Variants in PCSK2 observed in about 807,000 individuals in gnomAD.
The protein encoded by PCSK2 is neuroendocrine convertase 2.
PCSK2 carries 14 observed loss-of-function variants against 69.7 expected under a neutral mutation model. The observed-to-expected ratio is 0.20, with a 90% CI of 0.13 to 0.31. The LOEUF (loss-of-function observed/expected upper bound fraction) is 0.31, where lower values mean the gene tolerates loss of function less well. PCSK2 is among the 10% of genes least tolerant of loss of function. PCSK2 has a pLI of 1.00. For missense variants in PCSK2, 544 were observed against 842.5 expected (o/e 0.65, Z 4.39); for synonymous variants, 307 against 320.7 (o/e 0.96, Z 0.46).
chr20:17,256,494 AT>A (rs1489319074), intron 1 of PCSK2, among the ~76,000 whole-genome samples: 5 of 152,072 alleles, frequency 3.3e-5, no homozygotes, highest in African/African-American at 1.2e-4. Flanking sequence ...AAAATTTGAC[AT>A]TTTAAATACT....
At chr20:17,314,836 T>C (rs1330959852) in intron 2 of PCSK2, among the ~76,000 whole-genome samples, 3 of 152,226 alleles carry the variant, frequency 2.0e-5, no homozygotes, top group African/African-American at 7.2e-5. Context: ...GCTTCTTGAA[T>C]GTTTACTAAT....
rs1478688143 is a variant in PCSK2, at chr20:17,481,654, G to C, written c.1501G>C (p.Val501Leu). ...CGCCTGTGAGGGGAAGGAAAATTTT[G>C]TCCGCTACCTGGAGCATGTCCAGGC... is the stretch of plus-strand genomic sequence containing the variant. ...TDACEGKENFVRYLEHVQAVI... is the reference protein window; with the variant it reads ...TDACEGKENFLRYLEHVQAVI... Residue 501 changes from valine to leucine, a missense_variant, in exon 12 of 12, where the codon GTC (valine) becomes CTC (leucine). Around this residue, in one of 3 missense-constraint regions of PCSK2, gnomAD observed 200 missense variants for 287.8 expected, o/e 0.69. Coordinates refer to ENST00000262545, the MANE Select transcript of PCSK2 (RefSeq NM_002594.5). The C allele has an allele frequency of 1.9e-6, 3 of 1,614,012 alleles. No individual in the cohort carries two copies. In the East Asian group the frequency reaches 6.7e-5, roughly 36 times the overall value.
At position 17,265,150 on chromosome 20, in the gene PCSK2, T is replaced by C. The variant is rs79151442; in HGVS notation, c.282+4806T>C. On this transcript the variant is annotated intron_variant, in intron 2 of 11. Transcript: ENST00000262545. The stretch of plus-strand genomic sequence containing the variant: ...AAATGCTGGAAAGTCTACTTTCAAA[T>C]TGAAAATGTCACGGAGAAAAATCTC... Among the ~76,000 whole-genome samples the C allele has an allele frequency of 4.9e-3, 747 of 152,270 alleles. 3 individuals are homozygous for C. Among genetic ancestry groups the C allele is most frequent in the African/African-American group, 0.012 (480 of 41,560 alleles).
chr20:17,386,225 A>T (rs1289166036), intron 5 of PCSK2, among the ~76,000 whole-genome samples: 1 of 152,236 alleles, frequency 6.6e-6, no homozygotes, highest in East Asian at 1.9e-4. Context: ...ATTATAAAGC[A>T]TATCCAAGAA....
chr20:17,381,277 A>G (rs1276601900), intron 5 of PCSK2, among the ~76,000 whole-genome samples: 1 of 152,256 alleles, frequency 6.6e-6, no homozygotes, highest in Non-Finnish European at 1.5e-5. Flanking sequence ...GTTCCTTAAC[A>G]TCACCGGGAG....
chr20:17,316,871 A>T (rs531348383), intron 2 of PCSK2, among the ~76,000 whole-genome samples: 1 of 152,228 alleles, frequency 6.6e-6, no homozygotes, highest in Non-Finnish European at 1.5e-5. Flanking sequence ...TTCCCGTGAC[A>T]TAAGTAATTC....
chr20:17,297,428 C>T (rs568121983), intron 2 of PCSK2, among the ~76,000 whole-genome samples: 2 of 152,288 alleles, frequency 1.3e-5, no homozygotes, highest in African/African-American at 2.4e-5. Flanking sequence ...TATGCATCCT[C>T]GAGCATCATC....
intron 1 of PCSK2, among the ~76,000 whole-genome samples, chr20:17,255,639 C>A (rs561920372): frequency 6.6e-6 from 1 of 152,174 alleles, no homozygotes; most frequent in Non-Finnish European, 1.5e-5. Context: ...CCGCACCCAG[C>A]CTTCATTCCT....
At chr20:17,400,976 A>G (rs1238656135) in intron 5 of PCSK2, among the ~76,000 whole-genome samples, 1 of 152,228 alleles carries the variant, frequency 6.6e-6, no homozygotes, top group East Asian at 1.9e-4. Flanking sequence ...GAATATATTT[A>G]AATATACATC....
chr20:17,324,470 G>A (rs1989979705), intron 2 of PCSK2, among the ~76,000 whole-genome samples: 1 of 152,124 alleles, frequency 6.6e-6, no homozygotes, highest in Non-Finnish European at 1.5e-5. Context: ...TTTATTACAA[G>A]GGCATCTCTC....
At chr20:17,423,260 A>G (rs1262230602) in intron 6 of PCSK2, among the ~76,000 whole-genome samples, 2 of 152,216 alleles carry the variant, frequency 1.3e-5, no homozygotes, top group African/African-American at 4.8e-5. Context: ...AAGGCAGGAC[A>G]TCTTGAAGCA....
At chr20:17,258,704 G>A (rs1987268801) in intron 1 of PCSK2, among the ~76,000 whole-genome samples, 3 of 151,934 alleles carry the variant, frequency 2.0e-5, no homozygotes, top group Admixed American at 2.0e-4. Context: ...GAGGTAGTAA[G>A]TGAAAGTCTG....
chr20:17,384,505 G>GGCAGGAGAATTGCTTGAAC (rs1279775999), intron 5 of PCSK2, among the ~76,000 whole-genome samples: 1 of 152,054 alleles, frequency 6.6e-6, no homozygotes, highest in African/African-American at 2.4e-5. Context: ...GGGAGGCTGA[G>GGCAGGAGAATTGCTTGAAC]GCAGGAGAAT....
chr20:17,332,122 A>G (rs1234806680), intron 2 of PCSK2, among the ~76,000 whole-genome samples: 1 of 152,220 alleles, frequency 6.6e-6, no homozygotes, highest in Non-Finnish European at 1.5e-5. Context: ...ATAACAAACT[A>G]ACGAAACTTG....
At chr20:17,244,529 T>C (rs185004142) in intron 1 of PCSK2, among the ~76,000 whole-genome samples, 1 of 152,330 alleles carries the variant, frequency 6.6e-6, no homozygotes, top group Admixed American at 6.5e-5. Flanking sequence ...CAAATCCCCA[T>C]AATGTACCCT....
chr20:17,291,848 T>C (rs1053547605), intron 2 of PCSK2, among the ~76,000 whole-genome samples: 1 of 152,158 alleles, frequency 6.6e-6, no homozygotes, highest in Non-Finnish European at 1.5e-5. Flanking sequence ...TCCTTTATTT[T>C]TTTGGCTCTG....
intron 6 of PCSK2, among the ~76,000 whole-genome samples, chr20:17,426,508 T>C (rs2032252165): frequency 6.6e-6 from 1 of 152,248 alleles, no homozygotes; most frequent in African/African-American, 2.4e-5. Context: ...GTTTTAGTCA[T>C]GGTTCTCCAG....
chr20:17,388,406 G>T (rs1265980533), intron 5 of PCSK2, among the ~76,000 whole-genome samples: 1 of 152,118 alleles, frequency 6.6e-6, no homozygotes, highest in Non-Finnish European at 1.5e-5. Context: ...TTGCCAAAGA[G>T]CTGTTATGGT....
chr20:17,314,358 A>G (rs1989612779), intron 2 of PCSK2, among the ~76,000 whole-genome samples: 1 of 152,228 alleles, frequency 6.6e-6, no homozygotes, highest in Non-Finnish European at 1.5e-5. Context: ...CCGGGACACA[A>G]GTGGGAATGA....
Sources: gnomAD v4.1 joint callset for allele counts (sites outside exome capture counted in the v4.1 genomes callset) on GRCh38, gnomAD v4.1.1 for gene constraint, gnomAD v4.1.1 regional missense constraint, MANE v1.5 for transcripts, NCBI Gene and HGNC (gene_info 2026-07-23, HGNC 2026-07-21) for gene names.